Variants in CHLSN observed in about 807,000 individuals in gnomAD.
The protein encoded by CHLSN is cholesin.
the CHLSN span, chr7:988,152 A>G: frequency 3.1e-4 from 365 of 1,183,866 alleles, no homozygotes; most frequent in Non-Finnish European, 3.8e-4. Flanking sequence ...CCTCACCTGC[A>G]AGGTGGGCTA....
chr7:1,089,076 C>T, the CHLSN span, among the ~76,000 whole-genome samples: 36 of 152,284 alleles, frequency 2.4e-4, no homozygotes, highest in African/African-American at 7.2e-4. Flanking sequence ...CTTCCTGCCA[C>T]GCCACGGTCT....
At chr7:986,982 A>G in the CHLSN span, 1 of 1,361,126 alleles carries the variant, frequency 7.3e-7, no homozygotes. Flanking sequence ...TGCCTCGGGG[A>G]CGCTGAGGGA....
At chr7:1,066,141 C>T in the CHLSN span, among the ~76,000 whole-genome samples, 1 of 152,236 alleles carries the variant, frequency 6.6e-6, no homozygotes, top group Non-Finnish European at 1.5e-5. Context: ...AAGGAGAATG[C>T]GCCGGTTCTG....
the CHLSN span, chr7:1,000,634 TC>T: frequency 8.7e-7 from 1 of 1,146,482 alleles, no homozygotes; most frequent in Non-Finnish European, 1.3e-6. Context: ...CGGGGACGCC[TC>T]ATCTTAGGAG....
the CHLSN span, among the ~76,000 whole-genome samples, chr7:1,004,561 C>T: frequency 6.6e-6 from 1 of 152,198 alleles, no homozygotes; most frequent in Non-Finnish European, 1.5e-5. Context: ...AAGCCAAGCC[C>T]ATCTCCCTCA....
the CHLSN span, among the ~76,000 whole-genome samples, chr7:1,011,460 C>A: frequency 1.3e-5 from 2 of 149,740 alleles, no homozygotes; most frequent in South Asian, 4.2e-4. Context: ...CCCACAGACA[C>A]CCAGACACAC....
the CHLSN span, chr7:986,597 T>C: frequency 1.2e-6 from 2 of 1,611,298 alleles, no homozygotes; most frequent in East Asian, 4.5e-5. Context: ...TGCGTCCTTA[T>C]CTCCGCTCCT....
the CHLSN span, among the ~76,000 whole-genome samples, chr7:981,587 G>GC: frequency 6.6e-6 from 1 of 152,084 alleles, no homozygotes; most frequent in Admixed American, 6.6e-5. Context: ...GGTGGCATGT[G>GC]CCTGTAATCC....
the CHLSN span, chr7:984,476 C>T: frequency 1.8e-5 from 28 of 1,551,564 alleles, no homozygotes; most frequent in East Asian, 2.4e-5. Context: ...GTGGTGCTGA[C>T]GGGGTTCGAG....
At chr7:984,602 C>T in the CHLSN span, 32 of 1,548,300 alleles carry the variant, frequency 2.1e-5, no homozygotes, top group African/African-American at 9.5e-5. Flanking sequence ...GCTACGGGGC[C>T]TACTGGGTGT....
chr7:1,028,035 G>A, the CHLSN span, among the ~76,000 whole-genome samples: 1 of 151,998 alleles, frequency 6.6e-6, no homozygotes, highest in Non-Finnish European at 1.5e-5. Context: ...AGGAGGGCGC[G>A]GGACCGTCCA....
the CHLSN span, chr7:1,022,785 G>A: frequency 3.7e-6 from 1 of 270,022 alleles, no homozygotes; most frequent in Non-Finnish European, 7.6e-6. Context: ...TTCCTCCCTA[G>A]GACACCAGTG....
At chr7:988,685 C>A in the CHLSN span, 11 of 1,600,368 alleles carry the variant, frequency 6.9e-6, no homozygotes, top group Non-Finnish European at 9.3e-6. Flanking sequence ...GCTCTTCCTG[C>A]TGTTTGCCGG....
At chr7:1,106,173 A>T in the CHLSN span, among the ~76,000 whole-genome samples, 1 of 152,190 alleles carries the variant, frequency 6.6e-6, no homozygotes, top group Non-Finnish European at 1.5e-5. Flanking sequence ...AGTCCCGCAC[A>T]CTGCCCGGCC....
At chr7:1,008,854 A>AAT in the CHLSN span, among the ~76,000 whole-genome samples, 11 of 150,554 alleles carry the variant, frequency 7.3e-5, no homozygotes, top group Non-Finnish European at 1.3e-4. Flanking sequence ...CACACACGTA[A>AAT]ACACACGCAC....
At chr7:1,057,445 G>A in the CHLSN span, 1 of 668,452 alleles carries the variant, frequency 1.5e-6, no homozygotes. Flanking sequence ...CTGGGCCAGG[G>A]CTTTGGGACG....
At chr7:1,073,220 T>C in the CHLSN span, among the ~76,000 whole-genome samples, 304 of 152,238 alleles carry the variant, frequency 2.0e-3, no homozygotes, top group Non-Finnish European at 2.8e-3. Context: ...AGGAACACCT[T>C]ACACCCTCCT....
At chr7:1,047,206 C>G in the CHLSN span, among the ~76,000 whole-genome samples, 1 of 152,230 alleles carries the variant, frequency 6.6e-6, no homozygotes, top group African/African-American at 2.4e-5. Context: ...GCACAGGTGC[C>G]CAGCCCGCTC....
chr7:1,084,923 G>T, the CHLSN span, among the ~76,000 whole-genome samples: 1 of 152,248 alleles, frequency 6.6e-6, no homozygotes, highest in South Asian at 2.1e-4. Flanking sequence ...GAGAGGACTG[G>T]GGATGGGACA....
Sources: gnomAD v4.1 joint callset for allele counts (sites outside exome capture counted in the v4.1 genomes callset) on GRCh38, gnomAD v4.1.1 for gene constraint, MANE v1.5 for transcripts, NCBI Gene and HGNC (gene_info 2026-07-23, HGNC 2026-07-21) for gene names.